Variants in TINAGL1 observed in about 807,000 individuals in gnomAD.
TINAGL1 encodes tubulointerstitial nephritis antigen like 1.
A neutral mutation model predicts 62.0 loss-of-function variants in TINAGL1; 34 were observed. The ratio of observed to expected loss-of-function variants is 0.55; its 90% CI spans 0.42 to 0.73. The LOEUF (loss-of-function observed/expected upper bound fraction) is 0.73, where lower values mean the gene tolerates loss of function less well. TINAGL1 is among the 30% of genes least tolerant of loss of function. TINAGL1 has a pLI of 0.00. For synonymous variants in TINAGL1, 221 were observed against 249.7 expected, an observed-to-expected ratio of 0.88 and a Z score of 1.08; for missense variants, 516 against 653.2, an observed-to-expected ratio of 0.79 and a Z score of 2.29.
In TINAGL1 at chr1:31,585,282, GCT is replaced by G. The variant is rs1639360284; in HGVS notation, c.990_991del (p.Ser330ArgfsTer3). On this transcript the variant is annotated frameshift_variant, in exon 8 of 12. Coordinates refer to ENST00000271064, the MANE Select transcript of TINAGL1 (RefSeq NM_022164.3). LOFTEE classifies it high-confidence loss of function. This position sits in a 1 kb window ranked among gnomAD's most constrained non-coding sequence, Gnocchi z 4.3. ...CAGGCCACTGCCCACTGCCCCAACA[GCT>G]ATGTTAATAACAATGACATCTACCA... 1 of 1,612,824 alleles carries G rather than the reference GCT, an allele frequency of 6.2e-7. No individual in the cohort carries two copies. The highest frequency in any genetic ancestry group is 8.5e-7 in the Non-Finnish European group (1 of 1,179,414).
rs562991466 is a variant in TINAGL1 at position 31,585,948 on chromosome 1, G to T, written c.1217+72G>T. On this transcript the variant is annotated intron_variant, in intron 10 of 11. Transcript: ENST00000271064. The surrounding 1 kb of genome is among the most constrained non-coding windows in gnomAD (Gnocchi z 4.3). ...CTAGGGGCTCTGGAGCCTGCCTTGG[G>T]TTCTTACAACCTCTCTAAAAAGCCA... 5 of 1,479,516 alleles carry T rather than the reference G, an allele frequency of 3.4e-6. No individual in the cohort carries two copies. In the South Asian group the frequency reaches 7.0e-5, roughly 21 times the overall value. 91.6% of individuals were successfully genotyped at this position (1,479,516 alleles called of 1,614,324 possible).
Position 31,586,703 on chromosome 1 carries a change from C to T in TINAGL1, c.1218-7C>T. 6.4e-7 allele frequency: 1 copy of T among 1,558,160 alleles called. No individual in the cohort carries two copies. Among genetic ancestry groups the T allele is most frequent in the Non-Finnish European group, 8.7e-7 (1 of 1,150,548 alleles). The stretch of plus-strand genomic sequence containing the variant: ...GCTCCCTTCCCCCTCCTCTGCTCTG[C>T]CCACAGATGGGGAGAGGAGACGCTG... On this transcript the variant is annotated splice_region_variant and splice_polypyrimidine_tract_variant and intron_variant, in intron 10 of 11. Transcript: ENST00000271064.
chr1:31,587,020 TA>T lies in TINAGL1; in HGVS notation c.*43del. 1.4e-6 allele frequency: 2 copies of T among 1,415,122 alleles called. No individual in the cohort carries two copies. The allele number at this position is 1,415,122 out of a possible 1,614,324, so 87.7% of individuals were successfully genotyped here. The stretch of plus-strand genomic sequence containing the variant: ...GCGGGGTCCGGCCTGGGATCCAGGC[TA>T]AGGGCCGGCGGAAGAGGCCCCAATG... On this transcript the variant is annotated 3_prime_UTR_variant, in exon 12 of 12. Transcript: ENST00000271064.
rs374880918 is a variant in TINAGL1 at position 31,587,027 on chromosome 1, C to T, written c.*48C>T. On this transcript the variant is annotated 3_prime_UTR_variant, in exon 12 of 12. Coordinates refer to ENST00000271064, the MANE Select transcript of TINAGL1 (RefSeq NM_022164.3). ...CCGGCCTGGGATCCAGGCTAAGGGC[C>T]GGCGGAAGAGGCCCCAATGGGGCGG... 4.3e-6 allele frequency: 6 copies of T among 1,401,634 alleles called. No homozygotes were observed. The African/African-American group carries it at 6.0e-5, about 14-fold the overall frequency. 86.8% of individuals were successfully genotyped at this position (1,401,634 alleles called of 1,614,324 possible).
intron 3 of TINAGL1, chr1:31,580,432 G>T (rs550340248): frequency 7.8e-7 from 1 of 1,289,338 alleles, no homozygotes; most frequent in Non-Finnish European, 1.0e-6. Context: ...CGAGGGTGGG[G>T]GAGTGTCCAG....
rs1570211629 is a variant in TINAGL1 at position 31,583,120 on chromosome 1, A to C, written c.375-29A>C. 1 of 1,608,124 alleles carries C rather than the reference A, an allele frequency of 6.2e-7. No homozygotes were observed. The highest frequency in any genetic ancestry group is 8.5e-7 in the Non-Finnish European group (1 of 1,174,690). ...TCAAAGTATCCCCAGTCCCCCACTTACCCTTTCCTTCTCTCCTTTTCTCAC... is the reference window on the plus strand; with the variant it reads ...TCAAAGTATCCCCAGTCCCCCACTTCCCCTTTCCTTCTCTCCTTTTCTCAC... On this transcript the variant is annotated intron_variant, in intron 3 of 11. Transcript: ENST00000271064. The surrounding 1 kb of genome is among the most constrained non-coding windows in gnomAD (Gnocchi z 4.4).
At position 31,585,136 on chromosome 1, in the gene TINAGL1, T is replaced by G. The variant is rs1271368001; in HGVS notation, c.858-15T>G. 6.4e-7 allele frequency: 1 copy of G among 1,568,186 alleles called. No individual in the cohort carries two copies. ...TGAGTCTTTCTGCCTTTGCTCCCTC[T>G]TGCTGCCTTTGCAGGGTGGTGTCTG... is the stretch of plus-strand genomic sequence containing the variant. On this transcript the variant is annotated splice_polypyrimidine_tract_variant and intron_variant, in intron 7 of 11. Coordinates refer to ENST00000271064, the MANE Select transcript of TINAGL1 (RefSeq NM_022164.3). This position sits in a 1 kb window ranked among gnomAD's most constrained non-coding sequence, Gnocchi z 4.3.
chr1:31,577,418 C>T lies in TINAGL1; in HGVS notation c.270C>T (p.Asp90=). ...TVSDCCPDFW[D]FCLGVPPPFP... ...CCGACTGCTGCCCTGACTTCTGGGA[C>T]TTCTGCCTCGGCGTGCCACCCCCTT... is the stretch of plus-strand genomic sequence containing the variant. Residue 90 remains aspartate, a synonymous_variant, in exon 2 of 12, where the codon GAC becomes GAT. Coordinates refer to ENST00000271064, the MANE Select transcript of TINAGL1 (RefSeq NM_022164.3). The surrounding 1 kb of genome is among the most constrained non-coding windows in gnomAD (Gnocchi z 5.4). 6.2e-7 allele frequency: 1 copy of T among 1,613,652 alleles called. No individual in the cohort carries two copies. Among genetic ancestry groups the T allele is most frequent in the Non-Finnish European group, 8.5e-7 (1 of 1,179,846 alleles).
rs533770801 is a variant in TINAGL1, at chr1:31,577,119, A to T, written c.-15-15A>T. Reference sequence around the variant, plus strand: ...TTCCAGGGAGTCTCTGCTGCCCACCATCTCTGCCCCCCAGGGCCCAGGAGC... The same window carrying T: ...TTCCAGGGAGTCTCTGCTGCCCACCTTCTCTGCCCCCCAGGGCCCAGGAGC... On this transcript the variant is annotated splice_polypyrimidine_tract_variant and intron_variant, in intron 1 of 11. Transcript: ENST00000271064. The surrounding 1 kb of genome is among the most constrained non-coding windows in gnomAD (Gnocchi z 5.4). The T allele has an allele frequency of 2.1e-6, 3 of 1,457,180 alleles. No individual in the cohort carries two copies. Among genetic ancestry groups the T allele is most frequent in the Non-Finnish European group, 2.7e-6 (3 of 1,109,188 alleles). 90.3% of individuals were successfully genotyped at this position (1,457,180 alleles called of 1,614,324 possible).
intron 3 of TINAGL1, among the ~76,000 whole-genome samples, chr1:31,581,605 G>T (rs1231473998): frequency 6.6e-6 from 1 of 152,190 alleles, no homozygotes; most frequent in Non-Finnish European, 1.5e-5. Flanking sequence ...ATGTCAGAAG[G>T]TCAGTGGGAT....
Position 31,587,031 on chromosome 1 carries a change from G to A in TINAGL1, c.*52G>A, listed in dbSNP as rs748767436. On this transcript the variant is annotated 3_prime_UTR_variant, in exon 12 of 12. Coordinates refer to ENST00000271064, the MANE Select transcript of TINAGL1 (RefSeq NM_022164.3). ...CCTGGGATCCAGGCTAAGGGCCGGC[G>A]GAAGAGGCCCCAATGGGGCGGTGAC... The A allele has an allele frequency of 2.2e-5, 31 of 1,400,732 alleles. No homozygotes were observed. Among genetic ancestry groups the A allele is most frequent in the African/African-American group, 2.1e-4 (14 of 66,978 alleles). 86.8% of individuals were successfully genotyped at this position (1,400,732 alleles called of 1,614,324 possible).
chr1:31,587,200 G>T lies in TINAGL1; in HGVS notation c.*221G>T. ...CCCCAGACCTCCCAGTGGGGACGGG[G>T]CAGGGCCTGGCCTGGGAAGAGCACA... is the stretch of plus-strand genomic sequence containing the variant. On this transcript the variant is annotated 3_prime_UTR_variant, in exon 12 of 12. Transcript: ENST00000271064. The T allele has an allele frequency of 1.7e-6, 1 of 577,670 alleles. No individual in the cohort carries two copies. 35.8% of individuals were successfully genotyped at this position (577,670 alleles called of 1,614,324 possible). A position where few individuals can be genotyped will look rare whatever the true frequency, so the allele number is the denominator to read the frequency against.
intron 2 of TINAGL1, among the ~76,000 whole-genome samples, chr1:31,578,574 G>GTGTGATA (rs1639085987): frequency 8.5e-6 from 1 of 117,684 alleles, no homozygotes; most frequent in Admixed American, 9.5e-5. Context: ...TGTGTGTGTT[G>GTGTGATA]TCTTCAGTAT....
At chr1:31,586,660 T>C in intron 10 of TINAGL1, 50 bp from the exon 11 acceptor site, 6 of 1,553,008 alleles carry the variant, frequency 3.9e-6, no homozygotes, top group Non-Finnish European at 5.2e-6. Flanking sequence ...TTGGAGCTCC[T>C]GAGAGCAGGT....
At position 31,577,141 on chromosome 1, in the gene TINAGL1, G is replaced by A. The variant is rs762346923; in HGVS notation, c.-8G>A. 20 of 1,502,884 alleles carry A rather than the reference G, an allele frequency of 1.3e-5. No homozygotes were observed. The highest frequency in any genetic ancestry group is 2.4e-4 in the Middle Eastern group (1 of 4,242). 93.1% of individuals were successfully genotyped at this position (1,502,884 alleles called of 1,614,324 possible). ...ACCATCTCTGCCCCCCAGGGCCCAGGAGCCACCATGTGGCGATGTCCACTG... is the reference window on the plus strand; with the variant it reads ...ACCATCTCTGCCCCCCAGGGCCCAGAAGCCACCATGTGGCGATGTCCACTG... On this transcript the variant is annotated 5_prime_UTR_variant, in exon 2 of 12. Transcript: ENST00000271064. This position sits in a 1 kb window ranked among gnomAD's most constrained non-coding sequence, Gnocchi z 5.4.
intron 3 of TINAGL1, chr1:31,580,437 G>A (rs780646732): frequency 1.9e-5 from 24 of 1,289,248 alleles, no homozygotes; most frequent in Non-Finnish European, 2.3e-5. Context: ...GTGGGGGAGT[G>A]TCCAGGGTGT....
In TINAGL1 at chr1:31,587,146, G is replaced by A. The variant is rs932684954; in HGVS notation, c.*167G>A. On this transcript the variant is annotated 3_prime_UTR_variant, in exon 12 of 12. Transcript: ENST00000271064. ...TCCGCTGACGCAGCGCCCCGCCTGG[G>A]AGCCGCGGGCAGGCGAGACTGGCGG... The A allele has an allele frequency of 9.1e-7, 1 of 1,104,186 alleles. No homozygotes were observed. Among genetic ancestry groups the A allele is most frequent in the Non-Finnish European group, 1.2e-6 (1 of 857,776 alleles). 68.4% of individuals were successfully genotyped at this position (1,104,186 alleles called of 1,614,324 possible). A position where few individuals can be genotyped will look rare whatever the true frequency, so the allele number is the denominator to read the frequency against.
intron 3 of TINAGL1, chr1:31,580,526 CAGAG>C: frequency 7.8e-7 from 1 of 1,289,152 alleles, no homozygotes; most frequent in Non-Finnish European, 1.0e-6. Flanking sequence ...GCCTGGTGTG[CAGAG>C]AGGGAAAGGA....
In TINAGL1 at chr1:31,585,626, C is replaced by A; in HGVS notation, c.1094-127C>A. 1 of 1,534,700 alleles carries A rather than the reference C, an allele frequency of 6.5e-7. No individual in the cohort carries two copies. Among genetic ancestry groups the A allele is most frequent in the Non-Finnish European group, 8.8e-7 (1 of 1,136,664 alleles). On this transcript the variant is annotated intron_variant, in intron 9 of 11. Coordinates refer to ENST00000271064, the MANE Select transcript of TINAGL1 (RefSeq NM_022164.3). The surrounding 1 kb of genome is among the most constrained non-coding windows in gnomAD (Gnocchi z 4.3). ...AGGGGTCCCCCCCTCCCACAGGCAGCACCTGGAGGGAGCACTTAGAGCTTT... is the reference window on the plus strand; with the variant it reads ...AGGGGTCCCCCCCTCCCACAGGCAGAACCTGGAGGGAGCACTTAGAGCTTT...
Sources: gnomAD v4.1 joint callset for allele counts (sites outside exome capture counted in the v4.1 genomes callset) on GRCh38, gnomAD v4.1.1 for gene constraint, Gnocchi (gnomAD v3.1) non-coding constraint, MANE v1.5 for transcripts, NCBI Gene and HGNC (gene_info 2026-07-23, HGNC 2026-07-21) for gene names.